RNF217: variants seen among roughly 807,000 people sequenced by gnomAD.
RNF217 encodes E3 ubiquitin-protein ligase RNF217.
Under a neutral mutation model 57.8 loss-of-function variants are expected in RNF217, and 31 were observed. That is an observed-to-expected ratio of 0.54 (90% confidence interval 0.40 to 0.72). The LOEUF (loss-of-function observed/expected upper bound fraction) is 0.72, where lower values mean the gene tolerates loss of function less well. Among genes scored for constraint, RNF217 ranks in the 30% least tolerant of loss-of-function variants. RNF217 has a pLI of 0.00. For synonymous variants in RNF217, 313 were observed against 294.0 expected, an observed-to-expected ratio of 1.06 and a Z score of -0.66; for missense variants, 696 against 708.3, an observed-to-expected ratio of 0.98 and a Z score of 0.20.
intron 1 of RNF217, among the ~76,000 whole-genome samples, chr6:125,024,136 G>T (rs1407104454): frequency 2.0e-5 from 3 of 152,164 alleles, no homozygotes; most frequent in Admixed American, 6.5e-5. Context: ...GTACTCCAAA[G>T]CCTGGACTAA....
chr6:125,029,539 A>G (rs1408224135), intron 1 of RNF217, among the ~76,000 whole-genome samples: 2 of 152,184 alleles, frequency 1.3e-5, no homozygotes, highest in Non-Finnish European at 2.9e-5. Flanking sequence ...TTGGCATGAA[A>G]AGGCTCCGTT....
intron 1 of RNF217, among the ~76,000 whole-genome samples, chr6:125,034,540 G>C (rs1786518744): frequency 6.6e-6 from 1 of 151,978 alleles, no homozygotes; most frequent in South Asian, 2.1e-4. Context: ...GCTCTGTTCT[G>C]TTCCATTGAT....
intron 1 of RNF217, among the ~76,000 whole-genome samples, chr6:125,003,515 A>G (rs537887553): frequency 5.2e-4 from 79 of 152,332 alleles, no homozygotes; most frequent in African/African-American, 1.6e-3. Context: ...AGATGATTGT[A>G]GGAATAAACT....
At chr6:125,056,559 T>G (rs1787530833) in intron 2 of RNF217, among the ~76,000 whole-genome samples, 1 of 152,202 alleles carries the variant, frequency 6.6e-6, no homozygotes, top group African/African-American at 2.4e-5. Context: ...CTTTGAGTTA[T>G]TAACAGAAGA....
intron 1 of RNF217, among the ~76,000 whole-genome samples, chr6:124,968,908 A>G (rs1783654511): frequency 1.3e-5 from 2 of 152,258 alleles, no homozygotes; most frequent in Admixed American, 1.3e-4. Context: ...TGTGCATTTA[A>G]CAAACATTTA....
At chr6:125,037,078 A>G (rs987868649) in intron 1 of RNF217, among the ~76,000 whole-genome samples, 89 of 132,290 alleles carry the variant, frequency 6.7e-4, no homozygotes, top group African/African-American at 2.3e-3. Context: ...CAATTTATTG[A>G]AAAAAAAAAA....
intron 2 of RNF217, among the ~76,000 whole-genome samples, chr6:125,053,294 A>AT (rs1787394650): frequency 6.6e-6 from 1 of 151,840 alleles, no homozygotes; most frequent in Admixed American, 6.6e-5. Context: ...AAGTATTTTC[A>AT]TTTTTTTCTG....
chr6:124,968,333 A>G (rs927398392), intron 1 of RNF217, among the ~76,000 whole-genome samples: 2 of 150,752 alleles, frequency 1.3e-5, no homozygotes, highest in African/African-American at 2.4e-5. Flanking sequence ...TGCAAAATGT[A>G]TGTGTGTGTG....
chr6:124,987,569 A>G (rs982752071), intron 1 of RNF217, among the ~76,000 whole-genome samples: 14 of 152,214 alleles, frequency 9.2e-5, no homozygotes, highest in Non-Finnish European at 1.8e-4. Context: ...TGAAATCATA[A>G]ATTGAGCTCA....
Position 124,968,364 on chromosome 6 carries a change from T to C in RNF217, c.882+4938T>C, listed in dbSNP as rs1042343115. On this transcript the variant is annotated intron_variant, in intron 1 of 5. Coordinates refer to ENST00000521654, the MANE Select transcript of RNF217 (RefSeq NM_001286398.3). Reference sequence around the variant, plus strand: ...GTGTGTGTGTGCGTGCGTGTGTGTCTGGGGGTGCAGTAACATTTGCTTTCA... The same window carrying C: ...GTGTGTGTGTGCGTGCGTGTGTGTCCGGGGGTGCAGTAACATTTGCTTTCA... Among the ~76,000 whole-genome samples the C allele has an allele frequency of 1.4e-4, 21 of 152,172 alleles. 1 individual carries two copies. Among genetic ancestry groups the C allele is most frequent in the Admixed American group, 1.2e-3 (19 of 15,274 alleles).
chr6:125,082,757 C>A (rs1562500748), intron 5 of RNF217, 107 bp from the exon 6 acceptor site: 7 of 1,140,682 alleles, frequency 6.1e-6, no homozygotes, highest in Non-Finnish European at 6.4e-6. Flanking sequence ...TAGATGTCTT[C>A]TTCTTTGTAT....
At chr6:125,032,251 T>G (rs1029638781) in intron 1 of RNF217, among the ~76,000 whole-genome samples, 1 of 152,112 alleles carries the variant, frequency 6.6e-6, no homozygotes, top group African/African-American at 2.4e-5. Context: ...AAACCCATAA[T>G]TCATTAGTGC....
chr6:125,038,924 AACCCATC>A (rs1786762593), intron 1 of RNF217, among the ~76,000 whole-genome samples: 3 of 152,034 alleles, frequency 2.0e-5, no homozygotes, highest in Non-Finnish European at 4.4e-5. Flanking sequence ...TGCAACTATC[AACCCATC>A]ACCTGGGTAC....
At chr6:125,034,299 G>C (rs1293478644) in intron 1 of RNF217, among the ~76,000 whole-genome samples, 11 of 152,098 alleles carry the variant, frequency 7.2e-5, no homozygotes, top group African/African-American at 2.4e-4. Context: ...GTAATGCCTA[G>C]GTTTTGTTCT....
At position 125,075,903 on chromosome 6, in the gene RNF217, A is replaced by G. The variant is rs1192513176; in HGVS notation, c.1282-754A>G. Among the ~76,000 whole-genome samples the G allele has an allele frequency of 2.6e-5, 4 of 152,032 alleles. No homozygotes were observed. In the East Asian group the frequency reaches 5.8e-4, roughly 22 times the overall value. The stretch of plus-strand genomic sequence containing the variant: ...CTTGAGGCGGTGACTACCACACTGT[A>G]TGTTATATATGGTGTATGTATATAT... On this transcript the variant is annotated intron_variant, in intron 3 of 5. Transcript: ENST00000521654.
chr6:124,996,078 C>T (rs1313267380), intron 1 of RNF217, among the ~76,000 whole-genome samples: 2 of 151,920 alleles, frequency 1.3e-5, no homozygotes, highest in African/African-American at 4.8e-5. Flanking sequence ...GAATCTTTAA[C>T]CTGGCTTGGT....
chr6:124,963,728 G>A (rs558732207), intron 1 of RNF217, among the ~76,000 whole-genome samples: 2 of 152,376 alleles, frequency 1.3e-5, no homozygotes, highest in South Asian at 4.1e-4. Flanking sequence ...CTTGCTCAAA[G>A]GAGGAGAGGA....
At chr6:124,984,253 A>G (rs1784285414) in intron 1 of RNF217, among the ~76,000 whole-genome samples, 1 of 152,168 alleles carries the variant, frequency 6.6e-6, no homozygotes, top group African/African-American at 2.4e-5. Flanking sequence ...GCTATAGTCA[A>G]TAAAATAGAG....
chr6:124,980,552 CTTCT>C (rs1360262528), intron 1 of RNF217, among the ~76,000 whole-genome samples: 1 of 152,058 alleles, frequency 6.6e-6, no homozygotes, highest in Non-Finnish European at 1.5e-5. Context: ...TCCTCTCTTC[CTTCT>C]AATTCTTTTT....
Sources: allele counts gnomAD v4.1 joint callset (sites outside exome capture counted in the v4.1 genomes callset), GRCh38; gene constraint gnomAD v4.1.1; transcripts MANE v1.5; gene names NCBI Gene and HGNC (gene_info 2026-07-23, HGNC 2026-07-21).